Variants in CCDC85A observed in about 807,000 individuals in gnomAD.
The protein encoded by CCDC85A is coiled-coil domain containing 85A.
In CCDC85A, 38 loss-of-function variants were observed where a neutral mutation model predicts 50.2. The ratio of observed to expected loss-of-function variants is 0.76; its 90% CI spans 0.58 to 0.99. CCDC85A has a LOEUF of 0.99. CCDC85A is among the 50% of genes least tolerant of loss of function. The pLI is 0.00. For missense variants in CCDC85A, 820 were observed against 742.0 expected (o/e 1.11, Z -1.22); for synonymous variants, 366 against 301.4 (o/e 1.21, Z -2.22).
At chr2:56,373,482 G>C (rs1391351616) in intron 4 of CCDC85A, among the ~76,000 whole-genome samples, 1 of 152,044 alleles carries the variant, frequency 6.6e-6, no homozygotes, top group Non-Finnish European at 1.5e-5. Context: ...TAAGGATGTT[G>C]TTTACATTGA....
chr2:56,216,984 C>G (rs1034812650), intron 2 of CCDC85A, among the ~76,000 whole-genome samples: 9 of 151,798 alleles, frequency 5.9e-5, no homozygotes, highest in Non-Finnish European at 1.2e-4. Context: ...GTTTGTGTTG[C>G]CTTAGCATTT....
Position 56,326,738 on chromosome 2 carries a change from C to A in CCDC85A, c.1241-16141C>A, listed in dbSNP as rs1368704263. 2.0e-5 allele frequency among the ~76,000 whole-genome samples: 3 copies of A among 152,076 alleles called. No individual in the cohort carries two copies. The East Asian group carries it at 5.8e-4, about 29-fold the overall frequency. ...ATCAAATAAAATGCTTACAGTATGT[C>A]ATTCTTTCATAACTTTTTGACTGTT... is the stretch of plus-strand genomic sequence containing the variant. On this transcript the variant is annotated intron_variant, in intron 2 of 5. Transcript: ENST00000407595.
intron 3 of CCDC85A, among the ~76,000 whole-genome samples, chr2:56,367,915 A>T (rs528838034): frequency 2.0e-5 from 3 of 152,074 alleles, no homozygotes; most frequent in African/African-American, 4.8e-5. Flanking sequence ...TACCATTATT[A>T]TTTACACTGT....
chr2:56,266,941 TA>T (rs1324077089), intron 2 of CCDC85A, among the ~76,000 whole-genome samples: 1 of 152,162 alleles, frequency 6.6e-6, no homozygotes, highest in Non-Finnish European at 1.5e-5. Context: ...AAAAAGTGAG[TA>T]GCTGCCAGAC....
chr2:56,271,128 A>G (rs965541885), intron 2 of CCDC85A, among the ~76,000 whole-genome samples: 1 of 152,214 alleles, frequency 6.6e-6, no homozygotes, highest in African/African-American at 2.4e-5. Flanking sequence ...GTAATGTGTT[A>G]CTAGTACACT....
chr2:56,224,819 C>A (rs1430204455), intron 2 of CCDC85A, among the ~76,000 whole-genome samples: 1 of 151,870 alleles, frequency 6.6e-6, no homozygotes, highest in African/African-American at 2.4e-5. Flanking sequence ...TATAAATGTT[C>A]TTTATGTATG....
At chr2:56,269,948 T>C (rs1273120591) in intron 2 of CCDC85A, among the ~76,000 whole-genome samples, 1 of 152,238 alleles carries the variant, frequency 6.6e-6, no homozygotes, top group Non-Finnish European at 1.5e-5. Flanking sequence ...TCGGTTGTTC[T>C]GCTATTACCA....
intron 2 of CCDC85A, among the ~76,000 whole-genome samples, chr2:56,279,543 A>G (rs1671112200): frequency 6.6e-6 from 1 of 152,150 alleles, no homozygotes; most frequent in Non-Finnish European, 1.5e-5. Flanking sequence ...TTTAACTGTA[A>G]TTATATATCC....
At chr2:56,224,372 C>T (rs1668456281) in intron 2 of CCDC85A, among the ~76,000 whole-genome samples, 1 of 152,172 alleles carries the variant, frequency 6.6e-6, no homozygotes, top group Admixed American at 6.5e-5. Flanking sequence ...TGATGATGAA[C>T]ATTCAGGTTG....
intron 3 of CCDC85A, among the ~76,000 whole-genome samples, chr2:56,360,214 A>G (rs556999804): frequency 3.3e-5 from 5 of 152,380 alleles, no homozygotes; most frequent in South Asian, 2.1e-4. Flanking sequence ...ACTAATGTCA[A>G]CCTAGCAATT....
chr2:56,358,441 C>T (rs746030143), intron 3 of CCDC85A, among the ~76,000 whole-genome samples: 10 of 152,202 alleles, frequency 6.6e-5, no homozygotes, highest in African/African-American at 1.4e-4. Flanking sequence ...GCCTCCTTCT[C>T]CAGAAATGTC....
At chr2:56,249,921 C>T (rs1447966242) in intron 2 of CCDC85A, among the ~76,000 whole-genome samples, 1 of 152,172 alleles carries the variant, frequency 6.6e-6, no homozygotes, top group Non-Finnish European at 1.5e-5. Context: ...ATTGCCAGGC[C>T]CTGCCATAGC....
At chr2:56,260,052 C>T (rs922286323) in intron 2 of CCDC85A, among the ~76,000 whole-genome samples, 1 of 152,052 alleles carries the variant, frequency 6.6e-6, no homozygotes, top group Admixed American at 6.6e-5. Context: ...GAGTTTAGCA[C>T]CCAAACTAGC....
At chr2:56,264,687 C>A (rs535942745) in intron 2 of CCDC85A, among the ~76,000 whole-genome samples, 1 of 152,252 alleles carries the variant, frequency 6.6e-6, no homozygotes, top group South Asian at 2.1e-4. Context: ...CTATTTACAG[C>A]CCTTCCAATT....
chr2:56,264,695 ATTGAC>A (rs1323475330), intron 2 of CCDC85A, among the ~76,000 whole-genome samples: 7 of 152,080 alleles, frequency 4.6e-5, no homozygotes, highest in Non-Finnish European at 1.0e-4. Flanking sequence ...AGCCCTTCCA[ATTGAC>A]TTCACCTTCT....
At chr2:56,219,364 G>A (rs1271984338) in intron 2 of CCDC85A, among the ~76,000 whole-genome samples, 1 of 151,336 alleles carries the variant, frequency 6.6e-6, no homozygotes, top group Admixed American at 6.6e-5. Flanking sequence ...CAATAAACAA[G>A]ACAGCATTAA....
intron 2 of CCDC85A, among the ~76,000 whole-genome samples, chr2:56,208,951 C>A (rs974714621): frequency 5.9e-5 from 9 of 152,034 alleles, no homozygotes; most frequent in African/African-American, 2.2e-4. Flanking sequence ...AGCAGACAAT[C>A]TTCATCTTTC....
intron 2 of CCDC85A, among the ~76,000 whole-genome samples, chr2:56,312,941 C>G (rs182991139): frequency 6.6e-6 from 1 of 152,254 alleles, no homozygotes; most frequent in African/African-American, 2.4e-5. Flanking sequence ...AGCAGGATAA[C>G]TAAGTTTGTA....
chr2:56,201,962 GA>G (rs1488927701), intron 2 of CCDC85A, among the ~76,000 whole-genome samples: 2 of 152,128 alleles, frequency 1.3e-5, no homozygotes, highest in East Asian at 3.9e-4. Context: ...TCAGCTAGTA[GA>G]GGACTAGAAA....
Sources: gnomAD v4.1 joint callset for allele counts (sites outside exome capture counted in the v4.1 genomes callset) on GRCh38, gnomAD v4.1.1 for gene constraint, MANE v1.5 for transcripts, NCBI Gene and HGNC (gene_info 2026-07-23, HGNC 2026-07-21) for gene names.